SYNDIG1L: variants seen among roughly 807,000 people sequenced by gnomAD.
SYNDIG1L encodes the protein synapse differentiation inducing 1 like.
SYNDIG1L carries 13 observed loss-of-function variants against 20.1 expected under a neutral mutation model. The ratio of observed to expected loss-of-function variants is 0.65; its 90% CI spans 0.42 to 1.03. The LOEUF is 1.03. SYNDIG1L is among the 50% of genes least tolerant of loss of function. The pLI, the probability that SYNDIG1L is intolerant of heterozygous loss-of-function variation, is 0.00. For missense variants in SYNDIG1L, 294 were observed against 305.1 expected, an observed-to-expected ratio of 0.96 and a Z score of 0.27; for synonymous variants, 128 against 129.3, an observed-to-expected ratio of 0.99 and a Z score of 0.07.
intron 1 of SYNDIG1L, among the ~76,000 whole-genome samples, chr14:74,423,339 C>T (rs1361546706): frequency 2.0e-5 from 3 of 152,204 alleles, no homozygotes; most frequent in African/African-American, 4.8e-5. Context: ...CAGTAGCAGG[C>T]CAGCTCCTCT....
At position 74,406,716 on chromosome 14, in the gene SYNDIG1L, C is replaced by A. The variant is rs2086083323; in HGVS notation, c.*819G>T. On this transcript the variant is annotated 3_prime_UTR_variant, in exon 4 of 4. Coordinates refer to ENST00000331628, the MANE Select transcript of SYNDIG1L (RefSeq NM_001105579.2). ...TGGGTCTAGTCTACTTGTGATGGCA[C>A]CAGCTCACGGACCCCCAGGCAAAGC... The A allele has an allele frequency of 1.3e-5, 2 of 152,418 alleles. No homozygotes were observed. Among genetic ancestry groups the A allele is most frequent in the South Asian group, 2.1e-4 (1 of 4,824 alleles). The allele number at this position is 152,418 out of a possible 1,614,324, so 9.4% of individuals were successfully genotyped here. A position where few individuals can be genotyped will look rare whatever the true frequency, so the allele number is the denominator to read the frequency against.
chr14:74,406,364 G>C lies in SYNDIG1L; in HGVS notation c.*1171C>G, dbSNP rs2086079479. Reference sequence around the variant, plus strand: ...GGCAGAACCCTTAGGAATGGCTGTAGTTTGGCTCCAGCCCAGATGTTCCAG... The same window carrying C: ...GGCAGAACCCTTAGGAATGGCTGTACTTTGGCTCCAGCCCAGATGTTCCAG... On this transcript the variant is annotated 3_prime_UTR_variant, in exon 4 of 4. Transcript: ENST00000331628. 3.1e-6 allele frequency: 1 copy of C among 318,976 alleles called. No individual in the cohort carries two copies. The highest frequency in any genetic ancestry group is 5.7e-6 in the Non-Finnish European group (1 of 175,694). The allele number at this position is 318,976 out of a possible 1,614,324, so 19.8% of individuals were successfully genotyped here. A position where few individuals can be genotyped will look rare whatever the true frequency, so the allele number is the denominator to read the frequency against.
At chr14:74,419,646 G>C (rs2086205730) in intron 1 of SYNDIG1L, among the ~76,000 whole-genome samples, 1 of 152,202 alleles carries the variant, frequency 6.6e-6, no homozygotes, top group African/African-American at 2.4e-5. Context: ...TTCAATAGAT[G>C]GAGTAAGTTG....
chr14:74,412,425 C>T (rs1166329510), intron 1 of SYNDIG1L, among the ~76,000 whole-genome samples: 1 of 152,148 alleles, frequency 6.6e-6, no homozygotes, highest in African/African-American at 2.4e-5. Context: ...CCCGGTCCAC[C>T]CCCATTAGCT....
At chr14:74,469,994 A>T in the SYNDIG1L span, among the ~76,000 whole-genome samples, 2 of 152,292 alleles carry the variant, frequency 1.3e-5, no homozygotes, top group Middle Eastern at 3.4e-3. Context: ...GGGTGCAGCC[A>T]ACATGGTTAC....
upstream of SYNDIG1L, among the ~76,000 whole-genome samples, chr14:74,429,184 T>C (rs902631311): frequency 6.6e-6 from 1 of 152,152 alleles, no homozygotes; most frequent in African/African-American, 2.4e-5. Context: ...CCCTGGAAGC[T>C]CACCTGGAGG....
the SYNDIG1L span, among the ~76,000 whole-genome samples, chr14:74,440,625 C>T: frequency 3.3e-5 from 5 of 151,340 alleles, no homozygotes; most frequent in African/African-American, 1.2e-4. Flanking sequence ...GCAGAGCTTG[C>T]AGTAAGCCGA....
intron 2 of SYNDIG1L, among the ~76,000 whole-genome samples, chr14:74,408,235 G>A (rs112204998): frequency 6.6e-6 from 1 of 152,304 alleles, no homozygotes; most frequent in African/African-American, 2.4e-5. Flanking sequence ...ATCCAGGGTT[G>A]TTCATCATAG....
At chr14:74,407,734 ACCCAGCCAAACAGCCCAGC>A in intron 3 of SYNDIG1L, 41 bp from the exon 4 acceptor site, 2 of 1,576,378 alleles carry the variant, frequency 1.3e-6, no homozygotes, top group Non-Finnish European at 1.7e-6. Flanking sequence ...GTGTCCCCAC[ACCCAGCCAAACAGCCCAGC>A]CTGCCAGGCC....
the SYNDIG1L span, among the ~76,000 whole-genome samples, chr14:74,468,308 C>T: frequency 6.6e-6 from 1 of 152,162 alleles, no homozygotes; most frequent in Non-Finnish European, 1.5e-5. Flanking sequence ...AGAACTGCTT[C>T]GCAGGCATTA....
chr14:74,417,597 A>G (rs1461579260), intron 1 of SYNDIG1L, among the ~76,000 whole-genome samples: 2 of 152,134 alleles, frequency 1.3e-5, no homozygotes, highest in African/African-American at 4.8e-5. Flanking sequence ...CCCATTGTTT[A>G]GATGAGGAAA....
intron 1 of SYNDIG1L, among the ~76,000 whole-genome samples, chr14:74,424,658 C>T (rs529619082): frequency 5.7e-4 from 87 of 152,234 alleles, no homozygotes; most frequent in South Asian, 1.7e-3. Context: ...TGGGACCCCA[C>T]GGTGGCCAAG....
the SYNDIG1L span, among the ~76,000 whole-genome samples, chr14:74,456,813 G>T: frequency 6.6e-6 from 1 of 152,030 alleles, no homozygotes; most frequent in Non-Finnish European, 1.5e-5. Context: ...GCTCTCGGCG[G>T]CAGGATTCTA....
At chr14:74,464,892 C>T in the SYNDIG1L span, among the ~76,000 whole-genome samples, 1 of 152,196 alleles carries the variant, frequency 6.6e-6, no homozygotes, top group Non-Finnish European at 1.5e-5. Context: ...TATTCTTACC[C>T]AGAATGCCCA....
intron 1 of SYNDIG1L, among the ~76,000 whole-genome samples, chr14:74,418,789 T>G (rs1215021903): frequency 2.6e-5 from 4 of 152,354 alleles, no homozygotes; most frequent in African/African-American, 9.6e-5. Context: ...TGGAAGCTGC[T>G]GAGCCCAGCC....
In SYNDIG1L at chr14:74,409,788, G is replaced by T. The variant is rs1197124450; in HGVS notation, c.-44C>A. On this transcript the variant is annotated 5_prime_UTR_variant, in exon 2 of 4. Transcript: ENST00000331628. ...GGGGAGGGGGGCCTGGGCCAGCTGA[G>T]CAGTCCTCAGAGCCTGTCAGAAGAG... 5.7e-6 allele frequency: 8 copies of T among 1,414,308 alleles called. No individual in the cohort carries two copies. The East Asian group carries it at 2.0e-4, about 36-fold the overall frequency. The allele number at this position is 1,414,308 out of a possible 1,614,324, so 87.6% of individuals were successfully genotyped here.
chr14:74,444,578 CT>C, the SYNDIG1L span, among the ~76,000 whole-genome samples: 1 of 151,716 alleles, frequency 6.6e-6, no homozygotes, highest in African/African-American at 2.4e-5. Flanking sequence ...TGGCAAAACC[CT>C]GTCTCTACAA....
chr14:74,455,816 G>C, the SYNDIG1L span, among the ~76,000 whole-genome samples: 2 of 152,100 alleles, frequency 1.3e-5, no homozygotes, highest in Non-Finnish European at 2.9e-5. Context: ...CTTTACCGCA[G>C]TTCTGACCCC....
At chr14:74,465,850 G>C in the SYNDIG1L span, among the ~76,000 whole-genome samples, 1 of 152,160 alleles carries the variant, frequency 6.6e-6, no homozygotes, top group Non-Finnish European at 1.5e-5. Flanking sequence ...CAAAGCCCTA[G>C]GGTCAGCAGA....
Sources: gnomAD v4.1 joint callset for allele counts (sites outside exome capture counted in the v4.1 genomes callset) on GRCh38, gnomAD v4.1.1 for gene constraint, MANE v1.5 for transcripts, NCBI Gene and HGNC (gene_info 2026-07-23, HGNC 2026-07-21) for gene names.